Variants in RHOH observed in about 807,000 individuals in gnomAD.
The protein encoded by RHOH is rho-related GTP-binding protein RhoH.
In RHOH, 6 loss-of-function variants were observed where a neutral mutation model predicts 13.8. The ratio of observed to expected loss-of-function variants is 0.44; its 90% CI spans 0.24 to 0.86. The LOEUF is 0.86. Ranked by LOEUF, RHOH falls within the 40% of genes least tolerant of loss-of-function variation. RHOH has a pLI of 0.24. For synonymous variants in RHOH, 117 were observed against 103.0 expected, an observed-to-expected ratio of 1.14 and a Z score of -0.82; for missense variants, 147 against 244.5, an observed-to-expected ratio of 0.60 and a Z score of 2.66.
rs545860394 is a variant in RHOH at position 40,230,883 on chromosome 4, T to C, written c.-330-11831T>C. On this transcript the variant is annotated intron_variant, in intron 1 of 2. Coordinates refer to ENST00000381799, the MANE Select transcript of RHOH (RefSeq NM_004310.5). ...ATTCAGCAGTGTAGACCTAGAAAAA[T>C]TTTCAGAGTCACTGATAGGGATTCA... is the stretch of plus-strand genomic sequence containing the variant. Among the ~76,000 whole-genome samples, 21 of 150,722 alleles carry C rather than the reference T, an allele frequency of 1.4e-4. No homozygotes were observed. In the East Asian group the frequency reaches 3.7e-3, roughly 27 times the overall value.
chr4:40,224,573 G>GTTTTTATTATCTGTTTTTTATTA (rs1164096134), intron 1 of RHOH, among the ~76,000 whole-genome samples: 3 of 152,166 alleles, frequency 2.0e-5, no homozygotes, highest in Non-Finnish European at 4.4e-5. Flanking sequence ...ACCAGTGTGG[G>GTTTTTATTATCTGTTTTTTATTA]TCTGTTTTTT....
At position 40,243,044 on chromosome 4, in the gene RHOH, G is replaced by T; in HGVS notation, c.-209-134G>T. The T allele has an allele frequency of 4.3e-6, 1 of 234,836 alleles. No homozygotes were observed. The allele number at this position is 234,836 out of a possible 1,614,324, so 14.5% of individuals were successfully genotyped here. On this transcript the variant is annotated intron_variant, in intron 2 of 2. Coordinates refer to ENST00000381799, the MANE Select transcript of RHOH (RefSeq NM_004310.5). The surrounding 1 kb of genome is among the most constrained non-coding windows in gnomAD (Gnocchi z 6.2). ...CTCCCTGTGAGGGGAAGAGTGGATT[G>T]CACAAGCGGGGTTGGATGGCTACAC...
upstream of RHOH, among the ~76,000 whole-genome samples, chr4:40,192,329 A>G (rs17440238): frequency 0.056 from 8,553 of 152,292 alleles, 268 homozygotes; most frequent in Middle Eastern, 0.085. Flanking sequence ...CTGTGTAAAC[A>G]TTAAAAGCTA....
At chr4:40,223,779 T>TG (rs1056749479) in intron 1 of RHOH, among the ~76,000 whole-genome samples, 2 of 144,134 alleles carry the variant, frequency 1.4e-5, no homozygotes, top group African/African-American at 5.2e-5. Flanking sequence ...TTTTTTTTTT[T>TG]TTTTTTTTTT....
At chr4:40,221,245 C>A (rs915034287) in intron 1 of RHOH, among the ~76,000 whole-genome samples, 1 of 152,192 alleles carries the variant, frequency 6.6e-6, no homozygotes, top group African/African-American at 2.4e-5. Context: ...TCGCACCAGA[C>A]AAAGTTTGGA....
At chr4:40,203,787 C>T (rs922358854) in intron 1 of RHOH, among the ~76,000 whole-genome samples, 3 of 151,984 alleles carry the variant, frequency 2.0e-5, no homozygotes, top group African/African-American at 7.3e-5. Context: ...AGCACTTGAA[C>T]CAATTAAAAG....
At chr4:40,211,782 G>C (rs1441617768) in intron 1 of RHOH, among the ~76,000 whole-genome samples, 3 of 151,374 alleles carry the variant, frequency 2.0e-5, no homozygotes, top group Non-Finnish European at 2.9e-5. Flanking sequence ...AAATAAAATG[G>C]AAAAAGAGAG....
intron 1 of RHOH, among the ~76,000 whole-genome samples, chr4:40,206,578 AGTAACTTGCT>A (rs67787664): frequency 0.47 from 71,679 of 151,702 alleles, 17,453 homozygotes; most frequent in Non-Finnish European, 0.53. Flanking sequence ...CTCTTTGGGC[AGTAACTTGCT>A]GAAAATTATA....
intron 1 of RHOH, among the ~76,000 whole-genome samples, chr4:40,224,712 T>C (rs1349585065): frequency 2.6e-5 from 4 of 152,370 alleles, no homozygotes; most frequent in African/African-American, 4.8e-5. Context: ...GAGTTTAAGC[T>C]GCAGATTAGA....
At chr4:40,214,323 A>T (rs974945491) in intron 1 of RHOH, among the ~76,000 whole-genome samples, 1 of 152,262 alleles carries the variant, frequency 6.6e-6, no homozygotes, top group Non-Finnish European at 1.5e-5. Context: ...ACCCTCTGGT[A>T]CATTTCAATT....
intron 1 of RHOH, among the ~76,000 whole-genome samples, chr4:40,221,315 T>A (rs1290605723): frequency 6.6e-6 from 1 of 152,200 alleles, no homozygotes; most frequent in Non-Finnish European, 1.5e-5. Flanking sequence ...GTTGCTTTTT[T>A]TCAGTTACTA....
At chr4:40,239,847 C>T (rs1027286198) in intron 1 of RHOH, among the ~76,000 whole-genome samples, 2 of 151,716 alleles carry the variant, frequency 1.3e-5, no homozygotes, top group South Asian at 2.1e-4. Flanking sequence ...CACTGCACTC[C>T]AGCCTGAGCA....
Position 40,201,915 on chromosome 4 carries a change from A to G in RHOH, c.-331+4615A>G, listed in dbSNP as rs78058016. 2.2e-3 allele frequency among the ~76,000 whole-genome samples: 331 copies of G among 151,454 alleles called. 8 individuals are homozygous for G. The East Asian group carries it at 0.057, about 26-fold the overall frequency. On this transcript the variant is annotated intron_variant, in intron 1 of 2. Transcript: ENST00000381799. ...CTGAAAATACCCTGAACACTAAGCA[A>G]TAGGAGTTCTGGCAACATTAACTCC...
chr4:40,238,691 C>T (rs1014913506), intron 1 of RHOH, among the ~76,000 whole-genome samples: 3 of 152,168 alleles, frequency 2.0e-5, no homozygotes, highest in Non-Finnish European at 4.4e-5. Flanking sequence ...GGTGAAGGCT[C>T]ATTAATTCTA....
At chr4:40,226,779 A>G (rs1257593741) in intron 1 of RHOH, among the ~76,000 whole-genome samples, 4 of 152,230 alleles carry the variant, frequency 2.6e-5, no homozygotes, top group African/African-American at 4.8e-5. Flanking sequence ...GGAAAGCTTA[A>G]TGATTTCTCC....
intron 1 of RHOH, among the ~76,000 whole-genome samples, chr4:40,216,906 A>G (rs1372259980): frequency 1.3e-5 from 2 of 152,224 alleles, no homozygotes; most frequent in Non-Finnish European, 2.9e-5. Context: ...TCTGGTCTCA[A>G]TGACGAAAGG....
At chr4:40,204,564 G>T (rs2109371768) in intron 1 of RHOH, among the ~76,000 whole-genome samples, 1 of 152,290 alleles carries the variant, frequency 6.6e-6, no homozygotes, top group African/African-American at 2.4e-5. Context: ...CACAGTCCTA[G>T]GGGATATAAG....
chr4:40,197,093 C>G lies in RHOH; in HGVS notation c.-538C>G, dbSNP rs1004597646. 2 of 152,238 alleles carry G rather than the reference C, an allele frequency of 1.3e-5. No homozygotes were observed. The highest frequency in any genetic ancestry group is 4.8e-5 in the African/African-American group (2 of 41,454). 9.4% of individuals were successfully genotyped at this position (152,238 alleles called of 1,614,324 possible). On this transcript the variant is annotated 5_prime_UTR_variant, in exon 1 of 3. Coordinates refer to ENST00000381799, the MANE Select transcript of RHOH (RefSeq NM_004310.5). Reference sequence around the variant, plus strand: ...AACCCAACCATCTTGGGGTGGACTCCCTGCCAGCCCAACTGTTGTATTTTC... The same window carrying G: ...AACCCAACCATCTTGGGGTGGACTCGCTGCCAGCCCAACTGTTGTATTTTC...
At chr4:40,226,979 C>G (rs375362263) in intron 1 of RHOH, among the ~76,000 whole-genome samples, 2 of 151,822 alleles carry the variant, frequency 1.3e-5, no homozygotes, top group African/African-American at 4.8e-5. Context: ...GCCAACATGG[C>G]GAAATCCCGT....
Sources: gnomAD v4.1 joint callset for allele counts (sites outside exome capture counted in the v4.1 genomes callset) on GRCh38, gnomAD v4.1.1 for gene constraint, Gnocchi (gnomAD v3.1) non-coding constraint, MANE v1.5 for transcripts, NCBI Gene and HGNC (gene_info 2026-07-23, HGNC 2026-07-21) for gene names.